SCAPER: variants seen among roughly 807,000 people sequenced by gnomAD.
The protein encoded by SCAPER is S-phase cyclin A associated protein in the ER, also known as S phase cyclin A-associated protein in the endoplasmic reticulum.
Under a neutral mutation model 182.2 loss-of-function variants are expected in SCAPER, and 98 were observed. The ratio of observed to expected loss-of-function variants is 0.54; its 90% CI spans 0.46 to 0.64. SCAPER has a LOEUF of 0.64. SCAPER is among the 30% of genes least tolerant of loss of function. The pLI, the probability that SCAPER is intolerant of heterozygous loss-of-function variation, is 0.00. For missense variants in SCAPER, 1,432 were observed against 1,690.0 expected (o/e 0.85, Z 2.68); for synonymous variants, 605 against 564.6 (o/e 1.07, Z -1.01).
In SCAPER at chr15:76,728,586, AT is replaced by A; in HGVS notation, c.2165+8del. 1.9e-6 allele frequency: 3 copies of A among 1,613,080 alleles called. No individual in the cohort carries two copies. The highest frequency in any genetic ancestry group is 2.5e-6 in the Non-Finnish European group (3 of 1,179,390). ...TGCAAAATGTTCATCAAGATAGCAAATGAGATACCTAGCTCTTTCCCGGGCT... is the reference window on the plus strand; with the variant it reads ...TGCAAAATGTTCATCAAGATAGCAAAGAGATACCTAGCTCTTTCCCGGGCT... On this transcript the variant is annotated splice_region_variant and intron_variant, in intron 17 of 31. Coordinates refer to ENST00000563290, the MANE Select transcript of SCAPER (RefSeq NM_020843.4).
chr15:76,354,283 T>A lies in SCAPER; in HGVS notation c.3856-143A>T, dbSNP rs1400039712. 1 of 590,696 alleles carries A rather than the reference T, an allele frequency of 1.7e-6. No individual in the cohort carries two copies. The highest frequency in any genetic ancestry group is 2.7e-6 in the Non-Finnish European group (1 of 368,916). 36.6% of individuals were successfully genotyped at this position (590,696 alleles called of 1,614,324 possible). A position where few individuals can be genotyped will look rare whatever the true frequency, so the allele number is the denominator to read the frequency against. On this transcript the variant is annotated intron_variant, in intron 29 of 31. Transcript: ENST00000563290. The surrounding 1 kb of genome is among the most constrained non-coding windows in gnomAD (Gnocchi z 4.4). ...CTCCTGACTCCGTACCAGAGCTTAA[T>A]TTAAGTGATACTTGAAAAGAGCAGA...
chr15:76,364,420 A>C (rs1388272500), intron 29 of SCAPER, among the ~76,000 whole-genome samples: 1 of 152,212 alleles, frequency 6.6e-6, no homozygotes, highest in Non-Finnish European at 1.5e-5. Context: ...GAAGCTAAAA[A>C]GCCAGTAGTT....
At chr15:76,824,051 G>A (rs1353011409) in intron 5 of SCAPER, among the ~76,000 whole-genome samples, 1 of 152,136 alleles carries the variant, frequency 6.6e-6, no homozygotes, top group Admixed American at 6.5e-5. Context: ...AAAATGATCA[G>A]AGTGGTACCA....
intron 8 of SCAPER, among the ~76,000 whole-genome samples, chr15:76,791,414 G>C (rs3099144): frequency 0.98 from 148,736 of 152,288 alleles, 72,723 homozygotes; most frequent in South Asian, 1. Flanking sequence ...GAGATCAGAT[G>C]AGTGAATGTG....
chr15:76,416,162 C>T (rs550494993), intron 26 of SCAPER, among the ~76,000 whole-genome samples: 1 of 151,858 alleles, frequency 6.6e-6, no homozygotes, highest in Admixed American at 6.6e-5. Flanking sequence ...AAAAATATTC[C>T]CCATCACTAG....
intron 15 of SCAPER, among the ~76,000 whole-genome samples, chr15:76,745,524 T>C (rs1288104258): frequency 6.6e-6 from 1 of 152,068 alleles, no homozygotes; most frequent in Non-Finnish European, 1.5e-5. Flanking sequence ...GGGTACAATA[T>C]ATCCATGTAA....
chr15:76,861,736 G>T (rs1259305366), intron 3 of SCAPER: 1 of 151,862 alleles, frequency 6.6e-6, no homozygotes, highest in Non-Finnish European at 1.5e-5. Context: ...ATTTTTATAA[G>T]AATTTAATAA....
intron 20 of SCAPER, among the ~76,000 whole-genome samples, chr15:76,680,457 G>A (rs1371500942): frequency 6.7e-6 from 1 of 148,362 alleles, no homozygotes; most frequent in Non-Finnish European, 1.5e-5. Context: ...AATAATACAG[G>A]GGCCAATTAA....
At chr15:76,651,589 T>G (rs2055041903) in intron 21 of SCAPER, among the ~76,000 whole-genome samples, 1 of 137,036 alleles carries the variant, frequency 7.3e-6, no homozygotes, top group Non-Finnish European at 1.6e-5. Context: ...TAAAGCAGTA[T>G]CAATGTAGAA....
At chr15:76,762,273 T>C (rs892464102) in intron 14 of SCAPER, among the ~76,000 whole-genome samples, 2 of 152,122 alleles carry the variant, frequency 1.3e-5, no homozygotes, top group Non-Finnish European at 2.9e-5. Context: ...TAAGTACAGA[T>C]TTATTACTGC....
chr15:76,467,155 C>T (rs2049739115), intron 25 of SCAPER, among the ~76,000 whole-genome samples: 1 of 152,166 alleles, frequency 6.6e-6, no homozygotes, highest in Admixed American at 6.5e-5. Flanking sequence ...ACTGTACAGC[C>T]TGCAGAACTG....
chr15:76,505,579 CAA>C (rs1461374118), intron 23 of SCAPER, among the ~76,000 whole-genome samples: 1 of 152,012 alleles, frequency 6.6e-6, no homozygotes, highest in Non-Finnish European at 1.5e-5. Flanking sequence ...GTCTTTTATC[CAA>C]AGACAGGTAG....
chr15:76,724,033 T>G (rs1206998309), intron 17 of SCAPER, among the ~76,000 whole-genome samples: 1 of 152,216 alleles, frequency 6.6e-6, no homozygotes, highest in East Asian at 1.9e-4. Context: ...GTCTTTACAA[T>G]TTGACATGTT....
At chr15:76,432,050 T>A (rs141136165) in intron 26 of SCAPER, among the ~76,000 whole-genome samples, 5 of 152,368 alleles carry the variant, frequency 3.3e-5, no homozygotes, top group Non-Finnish European at 5.9e-5. Flanking sequence ...CCACTGGAAT[T>A]GCAATGAAGC....
chr15:76,596,496 G>C (rs2049508601), intron 22 of SCAPER, among the ~76,000 whole-genome samples: 1 of 120,428 alleles, frequency 8.3e-6, no homozygotes, highest in Admixed American at 9.5e-5. Flanking sequence ...CCAAAACTCA[G>C]CAGAGACACA....
chr15:76,678,686 T>C (rs181851677), intron 20 of SCAPER, among the ~76,000 whole-genome samples: 1 of 149,318 alleles, frequency 6.7e-6, no homozygotes, highest in Non-Finnish European at 1.5e-5. Context: ...AGAAGGAAAA[T>C]TGGGAGAACA....
intron 20 of SCAPER, among the ~76,000 whole-genome samples, chr15:76,676,713 T>C (rs868693077): frequency 6.9e-4 from 105 of 151,786 alleles, no homozygotes; most frequent in African/African-American, 2.4e-3. Flanking sequence ...AAATTTTCAT[T>C]GTATAATGTT....
At chr15:76,606,216 TTG>T (rs1262730048) in intron 22 of SCAPER, among the ~76,000 whole-genome samples, 1 of 152,214 alleles carries the variant, frequency 6.6e-6, no homozygotes, top group Non-Finnish European at 1.5e-5. Context: ...TTTTGGTATG[TTG>T]TGTCTTTGTT....
chr15:76,812,515 A>AAGAC (rs1459136674), intron 5 of SCAPER, among the ~76,000 whole-genome samples: 450 of 150,150 alleles, frequency 3.0e-3, no homozygotes, highest in South Asian at 4.6e-3. Context: ...GAAAGAAAGA[A>AAGAC]AGACAGACAT....
Sources: gnomAD v4.1 joint callset for allele counts (sites outside exome capture counted in the v4.1 genomes callset) on GRCh38, gnomAD v4.1.1 for gene constraint, Gnocchi (gnomAD v3.1) non-coding constraint, MANE v1.5 for transcripts, NCBI Gene and HGNC (gene_info 2026-07-23, HGNC 2026-07-21) for gene names.